ARMC6: variants seen among roughly 807,000 people sequenced by gnomAD.
ARMC6 encodes armadillo repeat containing 6, also known as armadillo repeat-containing protein 6.
A neutral mutation model predicts 49.2 loss-of-function variants in ARMC6; 43 were observed. The ratio of observed to expected loss-of-function variants is 0.87; its 90% confidence interval spans 0.69 to 1.13. ARMC6 has a LOEUF of 1.13. Among genes scored for constraint, ARMC6 ranks in the 50% most tolerant of loss-of-function variants. The pLI, the probability that ARMC6 is intolerant of heterozygous loss-of-function variation, is 0.00. For missense variants in ARMC6, 627 were observed against 682.0 expected (o/e 0.92, Z 0.90); for synonymous variants, 262 against 289.6 (o/e 0.90, Z 0.97).
chr19:19,045,088 G>A (rs1421248767), intron 4 of ARMC6, among the ~76,000 whole-genome samples: 1 of 151,938 alleles, frequency 6.6e-6, no homozygotes, highest in Non-Finnish European at 1.5e-5. Context: ...TCAGCTCACT[G>A]CAACTTCCAC....
rs879721464 is a variant in ARMC6 at position 19,033,808 on chromosome 19, T to C, written c.-202T>C. The C allele has an allele frequency of 3.9e-6, 1 of 253,688 alleles. No homozygotes were observed. The highest frequency in any genetic ancestry group is 7.5e-6 in the Non-Finnish European group (1 of 132,776). The allele number at this position is 253,688 out of a possible 1,614,324, so 15.7% of individuals were successfully genotyped here. ...GTTATCGTGAGCGTCCGCGAGTCTC[T>C]GGGAGGCCAAGCCTAGGGGCGCCAC... On this transcript the variant is annotated 5_prime_UTR_variant, in exon 1 of 9. Coordinates refer to ENST00000535612, the MANE Select transcript of ARMC6 (RefSeq NM_001199196.2).
Position 19,057,642 on chromosome 19 carries a change from C to G in ARMC6, c.*14C>G, listed in dbSNP as rs909130473. The G allele has an allele frequency of 6.2e-6, 10 of 1,610,120 alleles. No individual in the cohort carries two copies. The highest frequency in any genetic ancestry group is 2.2e-5 in the East Asian group (1 of 44,868). ...CTGGCGCCATGACCCCAGGCCCAGT[C>G]TGGGCCGTGACTCTGGGTGAGTCGT... On this transcript the variant is annotated 3_prime_UTR_variant, in exon 9 of 9. Transcript: ENST00000535612.
At chr19:19,051,135 G>C (rs2059491760) in intron 4 of ARMC6, among the ~76,000 whole-genome samples, 1 of 152,170 alleles carries the variant, frequency 6.6e-6, no homozygotes, top group South Asian at 2.1e-4. Context: ...CTCCTTCCTT[G>C]GAGAGCTGAC....
intron 2 of ARMC6, among the ~76,000 whole-genome samples, chr19:19,035,311 A>G (rs1441930346): frequency 2.0e-5 from 3 of 152,226 alleles, no homozygotes; most frequent in African/African-American, 7.2e-5. Flanking sequence ...TGGACAGCAC[A>G]GTTTTCTTGA....
rs1403368159 is a variant in ARMC6 at position 19,055,832 on chromosome 19, GC to G, written c.1198del (p.Arg400ValfsTer22). On this transcript the variant is annotated frameshift_variant, in exon 8 of 9. Coordinates refer to ENST00000535612, the MANE Select transcript of ARMC6 (RefSeq NM_001199196.2). LOFTEE classifies it high-confidence loss of function. This position sits in a 1 kb window ranked among gnomAD's most constrained non-coding sequence, Gnocchi z 5.7. ...SCAALCFLAL[R>X]KPDNSRIIVE... is the part of the protein sequence containing the mutation. Reference sequence around the variant, plus strand: ...GCGCGGCCCTGTGCTTCCTGGCCCTGCGTAAGCCCGACAACAGCCGCATCAT... The same window carrying G: ...GCGCGGCCCTGTGCTTCCTGGCCCTGGTAAGCCCGACAACAGCCGCATCAT... The G allele has an allele frequency of 6.2e-7, 1 of 1,610,438 alleles. No homozygotes were observed. The highest frequency in any genetic ancestry group is 2.2e-5 in the East Asian group (1 of 44,828).
chr19:19,037,711 G>T (rs960353897), intron 2 of ARMC6: 1 of 1,133,414 alleles, frequency 8.8e-7, no homozygotes, highest in African/African-American at 1.7e-5. Flanking sequence ...AAGCAAGGTG[G>T]ATATATTGAA....
At chr19:19,049,002 T>C (rs2059474841) in intron 4 of ARMC6, among the ~76,000 whole-genome samples, 1 of 152,004 alleles carries the variant, frequency 6.6e-6, no homozygotes, top group Non-Finnish European at 1.5e-5. Context: ...TTTTTCAGGT[T>C]ACCTTTGGAA....
rs1410648695 is a variant in ARMC6 at position 19,057,920 on chromosome 19, C to T, written c.*292C>T. ...GCCCTACCAGAGGGGGCAAAGGGCACGTCCCATCACTCACTGCCCTGTCTG... is the reference window on the plus strand; with the variant it reads ...GCCCTACCAGAGGGGGCAAAGGGCATGTCCCATCACTCACTGCCCTGTCTG... On this transcript the variant is annotated 3_prime_UTR_variant, in exon 9 of 9. Transcript: ENST00000535612. 7 of 520,228 alleles carry T rather than the reference C, an allele frequency of 1.3e-5. No individual in the cohort carries two copies. Among genetic ancestry groups the T allele is most frequent in the East Asian group, 3.6e-5 (1 of 27,762 alleles). The allele number at this position is 520,228 out of a possible 1,614,324, so 32.2% of individuals were successfully genotyped here.
intron 2 of ARMC6, chr19:19,040,665 T>C: frequency 2.9e-6 from 1 of 343,334 alleles, no homozygotes; most frequent in Non-Finnish European, 5.9e-6. Context: ...TTTTTTTTTT[T>C]TTTGCAACAT....
intron 3 of ARMC6, among the ~76,000 whole-genome samples, chr19:19,043,667 G>A (rs2059426755): frequency 6.6e-6 from 1 of 152,114 alleles, no homozygotes; most frequent in African/African-American, 2.4e-5. Flanking sequence ...GGAGAAGGCT[G>A]TGGGGTCCCT....
intron 2 of ARMC6, chr19:19,040,865 ATCTGTAGCTACC>A (rs2059406808): frequency 3.1e-6 from 1 of 319,180 alleles, no homozygotes; most frequent in Admixed American, 3.7e-5. Context: ...CACTTGTCTC[ATCTGTAGCTACC>A]AGGCATCCCT....
In ARMC6 at chr19:19,055,447, A is replaced by C; in HGVS notation, c.1155+51A>C. On this transcript the variant is annotated intron_variant, in intron 7 of 8. Coordinates refer to ENST00000535612, the MANE Select transcript of ARMC6 (RefSeq NM_001199196.2). The surrounding 1 kb of genome is among the most constrained non-coding windows in gnomAD (Gnocchi z 5.7). ...GTAGCAGGGTGGTGGCTGGAGTCCCAGTTCAGTTTCTGTATCTGCATGAAG... is the reference window on the plus strand; with the variant it reads ...GTAGCAGGGTGGTGGCTGGAGTCCCCGTTCAGTTTCTGTATCTGCATGAAG... 1 of 1,542,980 alleles carries C rather than the reference A, an allele frequency of 6.5e-7. No homozygotes were observed. Among genetic ancestry groups the C allele is most frequent in the Non-Finnish European group, 8.7e-7 (1 of 1,144,398 alleles).
intron 4 of ARMC6, among the ~76,000 whole-genome samples, chr19:19,046,984 C>T (rs1243212868): frequency 1.6e-5 from 2 of 126,128 alleles, no homozygotes; most frequent in Admixed American, 1.9e-4. Flanking sequence ...CACAAACTCT[C>T]ACTCTGTCAC....
intron 6 of ARMC6, among the ~76,000 whole-genome samples, chr19:19,054,653 A>G (rs1242112077): frequency 6.6e-6 from 1 of 152,114 alleles, no homozygotes; most frequent in Non-Finnish European, 1.5e-5. Flanking sequence ...TACTCCGTTT[A>G]GCAGCCGATT....
At chr19:19,052,221 C>T (rs373112967) in intron 5 of ARMC6, 26 bp downstream of exon 5, 1 of 1,554,186 alleles carries the variant, frequency 6.4e-7, no homozygotes, top group African/African-American at 1.4e-5. Flanking sequence ...CGACACGAGC[C>T]AGCGAACAAA....
chr19:19,038,723 G>A (rs950254556), intron 2 of ARMC6, among the ~76,000 whole-genome samples: 2 of 151,650 alleles, frequency 1.3e-5, no homozygotes, highest in Non-Finnish European at 2.9e-5. Context: ...GATTACAGGC[G>A]CCCCACTAAT....
At chr19:19,043,583 C>T (rs563101560) in intron 3 of ARMC6, among the ~76,000 whole-genome samples, 1 of 152,258 alleles carries the variant, frequency 6.6e-6, no homozygotes, top group South Asian at 2.1e-4. Context: ...GCGTCCAGCA[C>T]TGTAGGGGCT....
intron 2 of ARMC6, chr19:19,040,742 T>C: frequency 4.5e-6 from 2 of 448,738 alleles, no homozygotes; most frequent in Non-Finnish European, 9.0e-6. Flanking sequence ...TCCGCCTCTG[T>C]GCTCAAGTGG....
At chr19:19,041,401 T>G (rs1353879578) in intron 2 of ARMC6, among the ~76,000 whole-genome samples, 6 of 152,110 alleles carry the variant, frequency 3.9e-5, no homozygotes. Context: ...CAGGCTGGTG[T>G]GCAGTGGTGC....
Sources: gnomAD v4.1 joint callset for allele counts (sites outside exome capture counted in the v4.1 genomes callset) on GRCh38, gnomAD v4.1.1 for gene constraint, Gnocchi (gnomAD v3.1) non-coding constraint, MANE v1.5 for transcripts, NCBI Gene and HGNC (gene_info 2026-07-23, HGNC 2026-07-21) for gene names.